Variants in HAUS6 observed in about 807,000 individuals in gnomAD.
The protein encoded by HAUS6 is HAUS augmin-like complex subunit 6.
Under a neutral mutation model 106.8 loss-of-function variants are expected in HAUS6, and 80 were observed. The observed-to-expected ratio is 0.75, with a 90% CI of 0.63 to 0.90. The LOEUF (loss-of-function observed/expected upper bound fraction) is 0.90. Ranked by LOEUF, HAUS6 falls within the 40% of genes least tolerant of loss-of-function variation. The pLI is 0.00. For synonymous variants in HAUS6, 356 were observed against 379.1 expected, an observed-to-expected ratio of 0.94 and a Z score of 0.71; for missense variants, 1,155 against 1,118.1, an observed-to-expected ratio of 1.03 and a Z score of -0.47.
rs559309550 is a variant in HAUS6 at position 19,090,537 on chromosome 9, T to C, written c.437-978A>G. ...CCGCCACCACGCCCGGCTAATTTTT[T>C]GTAATTTTAGTAGAGACGGGTTTCA... On this transcript the variant is annotated intron_variant, in intron 4 of 16. Transcript: ENST00000380502. 2.0e-4 allele frequency among the ~76,000 whole-genome samples: 31 copies of C among 152,262 alleles called. No homozygotes were observed. In the South Asian group the frequency reaches 6.0e-3, roughly 29 times the overall value.
At position 19,063,671 on chromosome 9, in the gene HAUS6, A is replaced by C. The variant is rs773027432; in HGVS notation, c.1377-91T>G. ...CTATTCTAAAATCTGTCTGCCCCGTATCTGTCCGTTACGATTTCACTCAAT... is the reference window on the plus strand; with the variant it reads ...CTATTCTAAAATCTGTCTGCCCCGTCTCTGTCCGTTACGATTTCACTCAAT... On this transcript the variant is annotated intron_variant, in intron 12 of 16. Coordinates refer to ENST00000380502, the MANE Select transcript of HAUS6 (RefSeq NM_017645.5). 3.4e-6 allele frequency: 3 copies of C among 888,582 alleles called. No homozygotes were observed. The South Asian group carries it at 3.9e-5, about 12-fold the overall frequency. The allele number at this position is 888,582 out of a possible 1,614,324, so 55.0% of individuals were successfully genotyped here. A position where few individuals can be genotyped will look rare whatever the true frequency, so the allele number is the denominator to read the frequency against.
intron 12 of HAUS6, among the ~76,000 whole-genome samples, chr9:19,065,558 G>A (rs1836743600): frequency 6.6e-6 from 1 of 152,086 alleles, no homozygotes; most frequent in African/African-American, 2.4e-5. Context: ...TTAAAATTTT[G>A]GGCTGGGCGC....
At chr9:19,084,934 T>G (rs531546713) in intron 7 of HAUS6, among the ~76,000 whole-genome samples, 8 of 151,968 alleles carry the variant, frequency 5.3e-5, no homozygotes, top group Non-Finnish European at 1.2e-4. Context: ...CGCCTCTTTT[T>G]TTTTTCTTTT....
chr9:19,060,055 A>C, intron 15 of HAUS6, 33 bp downstream of exon 15: 1 of 1,564,240 alleles, frequency 6.4e-7, no homozygotes, highest in Non-Finnish European at 8.7e-7. Flanking sequence ...TGTCGATGAA[A>C]GAAAAAAGTA....
intron 12 of HAUS6, among the ~76,000 whole-genome samples, chr9:19,069,230 T>G (rs944156654): frequency 6.6e-6 from 1 of 152,030 alleles, no homozygotes; most frequent in Non-Finnish European, 1.5e-5. Context: ...TTCACATACA[T>G]AAAAAGGCAA....
Position 19,059,167 on chromosome 9 carries a change from G to A in HAUS6, c.1766-166C>T, listed in dbSNP as rs555085572. Among the ~76,000 whole-genome samples the A allele has an allele frequency of 1.8e-4, 27 of 152,172 alleles. No homozygotes were observed. In the South Asian group the frequency reaches 2.5e-3, roughly 14 times the overall value. On this transcript the variant is annotated intron_variant, in intron 15 of 16. Coordinates refer to ENST00000380502, the MANE Select transcript of HAUS6 (RefSeq NM_017645.5). ...CCACAATATAACAAATCCCAACATC[G>A]AAGAACCCCATCTCCAACTGCTCGC...
chr9:19,082,703 G>A (rs142091157), intron 8 of HAUS6, among the ~76,000 whole-genome samples, 170 bp downstream of exon 8: 20 of 151,750 alleles, frequency 1.3e-4, no homozygotes, highest in African/African-American at 3.9e-4. Context: ...CTGAAACCAC[G>A]CCACGCCATT....
intron 3 of HAUS6, 61 bp downstream of exon 3, chr9:19,094,256 A>T (rs552755665): frequency 5.3e-6 from 5 of 949,268 alleles, no homozygotes; most frequent in Non-Finnish European, 8.3e-6. Context: ...TAAAAAGTTA[A>T]AGAGTTAAAG....
chr9:19,079,955 ATC>A (rs1837102131), intron 9 of HAUS6, among the ~76,000 whole-genome samples: 1 of 151,600 alleles, frequency 6.6e-6, no homozygotes, highest in Non-Finnish European at 1.5e-5. Context: ...CAGGTGGATC[ATC>A]TGAGGTCGGG....
intron 2 of HAUS6, among the ~76,000 whole-genome samples, chr9:19,095,347 GT>G (rs2131154648): frequency 6.6e-6 from 1 of 151,958 alleles, no homozygotes; most frequent in South Asian, 2.1e-4. Flanking sequence ...ACTACATTCA[GT>G]ATTCACAGAA....
intron 1 of HAUS6, among the ~76,000 whole-genome samples, chr9:19,097,860 G>A (rs1335385354): frequency 4.0e-5 from 6 of 151,556 alleles, no homozygotes; most frequent in East Asian, 1.9e-4. Flanking sequence ...TAACTTAAAC[G>A]GCAAAGCATG....
chr9:19,060,264 C>A, intron 14 of HAUS6, 41 bp from the exon 15 acceptor site: 1 of 1,455,788 alleles, frequency 6.9e-7, no homozygotes, highest in Non-Finnish European at 9.1e-7. Context: ...ATTACCAAGC[C>A]CATTGGTAGA....
intron 1 of HAUS6, among the ~76,000 whole-genome samples, chr9:19,098,947 GGGAGGC>G (rs75969056): frequency 0.1 from 15,382 of 149,702 alleles, 1,149 homozygotes; most frequent in African/African-American, 0.22. Flanking sequence ...GCTTGAACCT[GGGAGGC>G]GGAGGTTGCG....
At chr9:19,097,131 T>C (rs749094603) in intron 1 of HAUS6, among the ~76,000 whole-genome samples, 3 of 152,120 alleles carry the variant, frequency 2.0e-5, no homozygotes, top group Non-Finnish European at 4.4e-5. Flanking sequence ...ATGTTAGACC[T>C]AAAACCATAA....
intron 6 of HAUS6, 85 bp downstream of exon 6, chr9:19,087,005 TG>T: frequency 1.4e-6 from 1 of 725,400 alleles, no homozygotes; most frequent in Non-Finnish European, 2.5e-6. Flanking sequence ...TTTTAATTAA[TG>T]TTTGTGGGAG....
At chr9:19,093,581 G>T (rs1308617147) in intron 3 of HAUS6, among the ~76,000 whole-genome samples, 1 of 152,130 alleles carries the variant, frequency 6.6e-6, no homozygotes, top group African/African-American at 2.4e-5. Context: ...AAAAGAATTT[G>T]ATCAGGGCTG....
intron 7 of HAUS6, among the ~76,000 whole-genome samples, chr9:19,085,846 C>T (rs1366613458): frequency 6.6e-6 from 1 of 151,986 alleles, no homozygotes; most frequent in Non-Finnish European, 1.5e-5. Context: ...GCTTTTTGTA[C>T]TGGGGTGGAG....
intron 11 of HAUS6, among the ~76,000 whole-genome samples, chr9:19,075,256 T>C (rs558223953): frequency 6.6e-6 from 1 of 152,300 alleles, no homozygotes; most frequent in Admixed American, 6.5e-5. Flanking sequence ...TGGGGGGTGA[T>C]AGCTAAAGGG....
In HAUS6 at chr9:19,058,695, A is replaced by C. The variant is rs1478826626; in HGVS notation, c.2072T>G (p.Val691Gly). 3 of 1,613,420 alleles carry C rather than the reference A, an allele frequency of 1.9e-6. No individual in the cohort carries two copies. Among genetic ancestry groups the C allele is most frequent in the Non-Finnish European group, 2.5e-6 (3 of 1,179,430 alleles). Residue 691 changes from valine (V) to glycine (G), a missense_variant, in exon 16 of 17, where the codon GTA (valine) becomes GGA (glycine). Coordinates refer to ENST00000380502, the MANE Select transcript of HAUS6 (RefSeq NM_017645.5). Reference sequence around the variant, plus strand: ...ACATTCCAAATCTTGCTTGCAAATTACTTTCTTATTTAACAAATCTGACTG... The same window carrying C: ...ACATTCCAAATCTTGCTTGCAAATTCCTTTCTTATTTAACAAATCTGACTG... Reference protein sequence around the residue: ...QNQSDLLNKKVICKQDLECLA... With the variant: ...QNQSDLLNKKGICKQDLECLA...
Sources: allele counts gnomAD v4.1 joint callset (sites outside exome capture counted in the v4.1 genomes callset), GRCh38; gene constraint gnomAD v4.1.1; transcripts MANE v1.5; gene names NCBI Gene and HGNC (gene_info 2026-07-23, HGNC 2026-07-21).